Variants in PRDM1 observed in about 807,000 individuals in gnomAD.
PRDM1 encodes the protein PR domain zinc finger protein 1.
A neutral mutation model predicts 62.8 loss-of-function variants in PRDM1; 13 were observed. That is an observed-to-expected ratio of 0.21 (90% CI 0.13 to 0.33). The LOEUF (loss-of-function observed/expected upper bound fraction) is 0.33, where lower values mean the gene tolerates loss of function less well. Ranked by LOEUF, PRDM1 falls within the 10% of genes least tolerant of loss-of-function variation. The pLI, the probability that PRDM1 is intolerant of heterozygous loss-of-function variation, is 1.00. For synonymous variants in PRDM1, 396 were observed against 417.6 expected (o/e 0.95, Z 0.63); for missense variants, 895 against 1,058.8 (o/e 0.85, Z 2.15).
At chr6:106,093,031 G>A (rs1301324467) in intron 2 of PRDM1, among the ~76,000 whole-genome samples, 1 of 152,136 alleles carries the variant, frequency 6.6e-6, no homozygotes, top group African/African-American at 2.4e-5. Context: ...TTTGTCTGGG[G>A]TTTGAGGATT....
At chr6:106,067,382 A>G (rs900814537) in intron 1 of PRDM1, among the ~76,000 whole-genome samples, 2 of 152,200 alleles carry the variant, frequency 1.3e-5, no homozygotes, top group Non-Finnish European at 2.9e-5. Context: ...GAATTACCAT[A>G]TTACCCAGCA....
chr6:106,063,668 T>C (rs556585861), intron 1 of PRDM1, among the ~76,000 whole-genome samples: 56 of 152,338 alleles, frequency 3.7e-4, no homozygotes, highest in African/African-American at 1.2e-3. Context: ...TACGACATGC[T>C]GAATCAAGTT....
Sources: gnomAD v4.1 joint callset for allele counts (sites outside exome capture counted in the v4.1 genomes callset) on GRCh38, gnomAD v4.1.1 for gene constraint, MANE v1.5 for transcripts, NCBI Gene and HGNC (gene_info 2026-07-23, HGNC 2026-07-21) for gene names.